RNF38: variants seen among roughly 807,000 people sequenced by gnomAD.
RNF38 encodes the protein ring finger protein 38.
RNF38 carries 15 observed loss-of-function variants against 67.2 expected under a neutral mutation model. The observed-to-expected ratio is 0.22, with a 90% confidence interval of 0.15 to 0.34. The LOEUF is 0.34. Ranked by LOEUF, RNF38 falls within the 10% of genes least tolerant of loss-of-function variation. The pLI is 1.00. For missense variants in RNF38, 524 were observed against 639.9 expected (o/e 0.82, Z 1.95); for synonymous variants, 220 against 218.8 (o/e 1.01, Z -0.05).
intron 2 of RNF38, among the ~76,000 whole-genome samples, chr9:36,380,588 G>A (rs1383605857): frequency 1.3e-5 from 2 of 152,124 alleles, no homozygotes; most frequent in Non-Finnish European, 2.9e-5. Flanking sequence ...CACATCCCGG[G>A]CTAAAGAGAT....
At chr9:36,422,214 G>A (rs12554395) in intron 2 of RNF38, among the ~76,000 whole-genome samples, 2,504 of 151,758 alleles carry the variant, frequency 0.017, 30 homozygotes, top group Middle Eastern at 0.034. Flanking sequence ...CTGGGCAACA[G>A]AGGGAGACTC....
intron 9 of RNF38, among the ~76,000 whole-genome samples, chr9:36,348,898 G>A (rs2133436585): frequency 6.6e-6 from 1 of 152,324 alleles, no homozygotes. Context: ...GGAAGAGGAT[G>A]CCATCTAAGA....
At position 36,339,562 on chromosome 9, in the gene RNF38, A is replaced by T. The variant is rs985534903; in HGVS notation, c.*190T>A. ...TTGGAGTTCCAATCACACGGTTAGTATAACAATCCCATAACTGTGAAGACT... is the reference window on the plus strand; with the variant it reads ...TTGGAGTTCCAATCACACGGTTAGTTTAACAATCCCATAACTGTGAAGACT... On this transcript the variant is annotated 3_prime_UTR_variant, in exon 12 of 12. Coordinates refer to ENST00000259605, the MANE Select transcript of RNF38 (RefSeq NM_022781.5). 2.1e-5 allele frequency: 11 copies of T among 536,532 alleles called. No individual in the cohort carries two copies. Among genetic ancestry groups the T allele is most frequent in the Non-Finnish European group, 2.7e-5 (8 of 297,888 alleles). 33.2% of individuals were successfully genotyped at this position (536,532 alleles called of 1,614,324 possible).
intron 1 of RNF38, among the ~76,000 whole-genome samples, chr9:36,478,403 CAAAAAAA>C (rs566516265): frequency 2.8e-5 from 2 of 72,284 alleles, no homozygotes; most frequent in African/African-American, 5.2e-5. Flanking sequence ...GACTCCGTCT[CAAAAAAA>C]AAAAAAAAAA....
chr9:36,439,508 A>G (rs1362901600), intron 1 of RNF38, among the ~76,000 whole-genome samples: 1 of 152,164 alleles, frequency 6.6e-6, no homozygotes, highest in Non-Finnish European at 1.5e-5. Context: ...GGTTATTCCT[A>G]TATCAATCGA....
At chr9:36,447,946 C>T (rs867146092) in intron 1 of RNF38, among the ~76,000 whole-genome samples, 1 of 152,202 alleles carries the variant, frequency 6.6e-6, no homozygotes, top group Admixed American at 6.5e-5. Context: ...GCTTCTACCC[C>T]CTAAGTTCTT....
At chr9:36,463,469 T>TG (rs1436104784) in intron 1 of RNF38, among the ~76,000 whole-genome samples, 3 of 152,192 alleles carry the variant, frequency 2.0e-5, no homozygotes, top group Non-Finnish European at 4.4e-5. Flanking sequence ...ACGTAGGCCT[T>TG]GAAAAACTCA....
chr9:36,414,529 A>G lies in RNF38; in HGVS notation n.312+10084T>C, dbSNP rs531653186. The stretch of plus-strand genomic sequence containing the variant: ...GAGAAACCCTGTCTCTACTAAAAAT[A>G]CAAAAAATTAGCCGGGCGTGGTGGC... On this transcript the variant is annotated intron_variant and non_coding_transcript_variant, in intron 2 of 3. Coordinates refer to the RNF38 transcript ENST00000488058. Among the ~76,000 whole-genome samples, 3 of 152,170 alleles carry G rather than the reference A, an allele frequency of 2.0e-5. No individual in the cohort carries two copies. The East Asian group carries it at 5.8e-4, about 29-fold the overall frequency.
Position 36,356,430 on chromosome 9 carries a change from G to A in RNF38, c.782C>T (p.Ala261Val). The A allele has an allele frequency of 6.2e-7, 1 of 1,613,478 alleles. No homozygotes were observed. Among genetic ancestry groups the A allele is most frequent in the Non-Finnish European group, 8.5e-7 (1 of 1,179,674 alleles). The change falls in exon 6 of 12, where the codon GCT (alanine) becomes GTT (valine). Residue 261 changes from alanine (A) to valine (V), a missense_variant. By Grantham distance (64) the Ala-to-Val change is moderately conservative (BLOSUM62 0). This residue lies in a region of RNF38 where 461 missense variants were observed against 517.4 expected (regional missense o/e 0.89). Transcript: ENST00000259605. ...ACTAGAAATAAGGGGTGGGAATGCAGCATATGGTACTGGTAAGTGCTGAAC... is the reference window on the plus strand; with the variant it reads ...ACTAGAAATAAGGGGTGGGAATGCAACATATGGTACTGGTAAGTGCTGAAC... ...CSVQHLPVPY[A>V]AFPPLISSDP...
intron 9 of RNF38, among the ~76,000 whole-genome samples, chr9:36,349,357 G>A (rs1833527311): frequency 1.3e-5 from 2 of 152,222 alleles, no homozygotes; most frequent in South Asian, 2.1e-4. Flanking sequence ...TTGTGGTTTT[G>A]ATTTACATTT....
At chr9:36,386,445 T>C (rs148226606) in intron 2 of RNF38, among the ~76,000 whole-genome samples, 1 of 152,366 alleles carries the variant, frequency 6.6e-6, no homozygotes, top group East Asian at 1.9e-4. Flanking sequence ...CCTGGCATAT[T>C]TCTCTATGTG....
intron 1 of RNF38, among the ~76,000 whole-genome samples, chr9:36,430,725 G>C (rs1838910835): frequency 6.6e-6 from 1 of 152,008 alleles, no homozygotes; most frequent in Admixed American, 6.6e-5. Context: ...GGAAATATGA[G>C]GACTTCGGGC....
chr9:36,477,222 G>A (rs1441511250), intron 1 of RNF38, among the ~76,000 whole-genome samples: 1 of 151,548 alleles, frequency 6.6e-6, no homozygotes, highest in Non-Finnish European at 1.5e-5. Context: ...CACTCGGGAG[G>A]CTGAGGCAGA....
intron 2 of RNF38, among the ~76,000 whole-genome samples, chr9:36,381,729 C>T (rs1836226540): frequency 6.6e-6 from 1 of 152,200 alleles, no homozygotes; most frequent in Admixed American, 6.5e-5. Context: ...TATTCTGTGT[C>T]TTTTCGGTTT....
intron 1 of RNF38, among the ~76,000 whole-genome samples, chr9:36,479,911 G>A (rs1205802882): frequency 2.0e-5 from 3 of 152,086 alleles, no homozygotes; most frequent in Non-Finnish European, 4.4e-5. Context: ...ACCACCATGG[G>A]CAACATAGCA....
At chr9:36,368,134 G>A (rs1008159789) in intron 4 of RNF38, among the ~76,000 whole-genome samples, 1 of 152,170 alleles carries the variant, frequency 6.6e-6, no homozygotes, top group Non-Finnish European at 1.5e-5. Flanking sequence ...GATTACAGAC[G>A]TGGGCCACTG....
chr9:36,479,745 T>TA (rs150809420), intron 1 of RNF38, among the ~76,000 whole-genome samples: 7,718 of 147,826 alleles, frequency 0.052, 579 homozygotes, highest in African/African-American at 0.17. Flanking sequence ...GACAAATCTA[T>TA]AAAAAAAAAA....
chr9:36,455,197 T>C (rs1236635032), intron 1 of RNF38, among the ~76,000 whole-genome samples: 1 of 151,882 alleles, frequency 6.6e-6, no homozygotes, highest in African/African-American at 2.4e-5. Context: ...GTAGCTGGGA[T>C]CACAGGCACG....
At chr9:36,413,903 G>T (rs1838393560) in intron 2 of RNF38, among the ~76,000 whole-genome samples, 1 of 152,048 alleles carries the variant, frequency 6.6e-6, no homozygotes, top group Non-Finnish European at 1.5e-5. Flanking sequence ...TGTAAATTTG[G>T]GAGCTCCAGT....
Sources: allele counts gnomAD v4.1 joint callset (sites outside exome capture counted in the v4.1 genomes callset), GRCh38; gene constraint gnomAD v4.1.1; regional missense constraint gnomAD v4.1.1; transcripts MANE v1.5; gene names NCBI Gene and HGNC (gene_info 2026-07-23, HGNC 2026-07-21).